The following RUSC2 variants were observed in gnomAD, a reference collection of about 807,000 sequenced individuals.
RUSC2 encodes the protein AP-4 complex accessory subunit RUSC2.
RUSC2 carries 34 observed loss-of-function variants against 122.2 expected under a neutral mutation model. That is an observed-to-expected ratio of 0.28 (90% CI 0.21 to 0.37). The LOEUF (loss-of-function observed/expected upper bound fraction) is 0.37, where lower values mean the gene tolerates loss of function less well. Ranked by LOEUF, RUSC2 falls within the 10% of genes least tolerant of loss-of-function variation. RUSC2 has a pLI of 1.00. For synonymous variants in RUSC2, 784 were observed against 790.0 expected, an observed-to-expected ratio of 0.99 and a Z score of 0.13; for missense variants, 1,747 against 1,952.4, an observed-to-expected ratio of 0.89 and a Z score of 1.98.
chr9:35,510,357 T>A (rs985448620), intron 1 of RUSC2, among the ~76,000 whole-genome samples: 2 of 152,168 alleles, frequency 1.3e-5, no homozygotes, highest in Non-Finnish European at 2.9e-5. Flanking sequence ...ACAATAAAAA[T>A]TTTTAAAGAG....
At chr9:35,526,752 C>T (rs571568446) in intron 1 of RUSC2, among the ~76,000 whole-genome samples, 10 of 152,028 alleles carry the variant, frequency 6.6e-5, no homozygotes, top group Admixed American at 1.3e-4. Flanking sequence ...GCAGCCTGGG[C>T]AAAAGAGAGA....
chr9:35,560,375 G>A lies in RUSC2; in HGVS notation c.3735G>A (p.Glu1245=), dbSNP rs1822123703. ...SEGGEEEEEE[E]ETEEVAEAAG... is the part of the protein sequence containing the mutation. ...GTGGAGAAGAGGAAGAGGAAGAAGA[G>A]GAGACAGAAGAGGTGGCAGAGGCAG... The change falls in exon 10 of 12, where the codon GAG becomes GAA. Residue 1245 remains glutamate, a synonymous_variant. Coordinates refer to ENST00000361226, the MANE Select transcript of RUSC2 (RefSeq NM_014806.5). 1 of 1,613,746 alleles carries A rather than the reference G, an allele frequency of 6.2e-7. No individual in the cohort carries two copies. Among genetic ancestry groups the A allele is most frequent in the Non-Finnish European group, 8.5e-7 (1 of 1,179,812 alleles).
At chr9:35,520,889 C>G (rs563973588) in intron 1 of RUSC2, among the ~76,000 whole-genome samples, 1 of 152,322 alleles carries the variant, frequency 6.6e-6, no homozygotes, top group South Asian at 2.1e-4. Context: ...GTGGGCCTTA[C>G]TCACTGCTGC....
chr9:35,561,079 T>G lies in RUSC2; in HGVS notation c.4331T>G (p.Leu1444Arg). The change falls in exon 11 of 12, where the codon CTG becomes CGG. Residue 1444 changes from leucine to arginine, a missense_variant. Coordinates refer to ENST00000361226, the MANE Select transcript of RUSC2 (RefSeq NM_014806.5). The part of the protein sequence containing the change: ...ESLQEPHSPA[L>R]PSSPPCEVQA... ...CTGCAGGAGCCACACTCCCCAGCCCTGCCCTCCAGTCCTCCGTGGTAAGCC... is the reference window on the plus strand; with the variant it reads ...CTGCAGGAGCCACACTCCCCAGCCCGGCCCTCCAGTCCTCCGTGGTAAGCC... The G allele has an allele frequency of 6.2e-7, 1 of 1,614,062 alleles. No homozygotes were observed.
At position 35,490,116 on chromosome 9, in the gene RUSC2, A is replaced by ACGCCGC. The variant is rs139160591; in HGVS notation, c.-131_-126dup. ...CAACGCGACCCCTGGAGGGCGAGACACGCCGCCGCCGCCGCCGCCGCCGGC... is the reference window on the plus strand; with the variant it reads ...CAACGCGACCCCTGGAGGGCGAGACACGCCGCCGCCGCCGCCGCCGCCGCCGCCGGC... On this transcript the variant is annotated 5_prime_UTR_variant, in exon 1 of 12. Coordinates refer to ENST00000361226, the MANE Select transcript of RUSC2 (RefSeq NM_014806.5). 1,340 of 154,496 alleles carry ACGCCGC rather than the reference A, an allele frequency of 8.7e-3. 26 individuals carry two copies. Among genetic ancestry groups the ACGCCGC allele is most frequent in the Non-Finnish European group, 0.011 (756 of 70,994 alleles). 9.6% of individuals were successfully genotyped at this position (154,496 alleles called of 1,614,324 possible). A position where few individuals can be genotyped will look rare whatever the true frequency, so the allele number is the denominator to read the frequency against.
intron 1 of RUSC2, among the ~76,000 whole-genome samples, chr9:35,510,188 G>A (rs999799672): frequency 1.3e-5 from 2 of 152,242 alleles, no homozygotes; most frequent in African/African-American, 2.4e-5. Context: ...GATAGATTCC[G>A]GTGACTTTTC....
chr9:35,520,494 C>T (rs757063853), intron 1 of RUSC2, among the ~76,000 whole-genome samples: 2 of 152,126 alleles, frequency 1.3e-5, no homozygotes, highest in Non-Finnish European at 1.5e-5. Flanking sequence ...CTTTACTGTG[C>T]GTATGTGGCC....
At position 35,560,185 on chromosome 9, in the gene RUSC2, G is replaced by A. The variant is rs1211691981; in HGVS notation, c.3545G>A (p.Gly1182Glu). The A allele has an allele frequency of 8.1e-6, 13 of 1,606,134 alleles. No homozygotes were observed. Among genetic ancestry groups the A allele is most frequent in the Non-Finnish European group, 1.0e-5 (12 of 1,179,758 alleles). ...TTCCAGCACCGGCTGCTGCAAAGTG[G>A]GCAGCAGCAGCGGCAGCACAAGGAA... Reference protein sequence around the residue: ...LLFQHRLLQSGQQQRQHKELL... With the variant: ...LLFQHRLLQSEQQQRQHKELL... Residue 1182 changes from glycine to glutamate, a missense_variant, in exon 10 of 12, where the codon GGG becomes GAG. Coordinates refer to ENST00000361226, the MANE Select transcript of RUSC2 (RefSeq NM_014806.5).
intron 1 of RUSC2, among the ~76,000 whole-genome samples, chr9:35,542,115 T>G (rs183516165): frequency 6.6e-6 from 1 of 152,328 alleles, no homozygotes; most frequent in African/African-American, 2.4e-5. Context: ...CCTGGAGAAC[T>G]TCCCCTTAGA....
chr9:35,521,512 C>G (rs1226995565), intron 1 of RUSC2, among the ~76,000 whole-genome samples: 1 of 152,198 alleles, frequency 6.6e-6, no homozygotes, highest in East Asian at 1.9e-4. Context: ...ATGCTGCAGT[C>G]TCCATTTACT....
In RUSC2 at chr9:35,555,842, A is replaced by T; in HGVS notation, c.2657-110A>T. On this transcript the variant is annotated intron_variant, in intron 3 of 11. Transcript: ENST00000361226. This position sits in a 1 kb window ranked among gnomAD's most constrained non-coding sequence, Gnocchi z 4.6. ...ATCCCTCCCTCAGCATCTGTAGATA[A>T]TATCCACAGATAATCTAGTGTTTCA... is the stretch of plus-strand genomic sequence containing the variant. The T allele has an allele frequency of 3.5e-6, 5 of 1,437,856 alleles. No individual in the cohort carries two copies. Among genetic ancestry groups the T allele is most frequent in the Non-Finnish European group, 4.7e-6 (5 of 1,056,338 alleles). The allele number at this position is 1,437,856 out of a possible 1,614,324, so 89.1% of individuals were successfully genotyped here.
Position 35,548,639 on chromosome 9 carries a change from G to C in RUSC2, c.2014+104G>C. 1 of 1,442,396 alleles carries C rather than the reference G, an allele frequency of 6.9e-7. No individual in the cohort carries two copies. The highest frequency in any genetic ancestry group is 9.1e-7 in the Non-Finnish European group (1 of 1,102,116). The allele number at this position is 1,442,396 out of a possible 1,614,324, so 89.3% of individuals were successfully genotyped here. On this transcript the variant is annotated intron_variant, in intron 2 of 11. Transcript: ENST00000361226. The surrounding 1 kb of genome is among the most constrained non-coding windows in gnomAD (Gnocchi z 4.5). ...CCAGACCACCCCATCCATACCACTA[G>C]AGGTTCCACATCCTAGATCTGTTAT...
In RUSC2 at chr9:35,555,488, C is replaced by T. The variant is rs1056288108; in HGVS notation, c.2443C>T (p.Pro815Ser). 1 of 1,614,184 alleles carries T rather than the reference C, an allele frequency of 6.2e-7. No individual in the cohort carries two copies. The highest frequency in any genetic ancestry group is 1.7e-5 in the Admixed American group (1 of 60,020). Residue 815 changes from proline to serine, a missense_variant, in exon 3 of 12, where the codon CCC becomes TCC. Pro to Ser is a moderately conservative substitution (Grantham distance 74). Transcript: ENST00000361226. This position sits in a 1 kb window ranked among gnomAD's most constrained non-coding sequence, Gnocchi z 4.6. ...GCAGCCCACAGCCACAGAAAGCCTG[C>T]CCCCATGGAGCCACTCCTGTCCTTC... Reference protein sequence around the residue: ...PEQPTATESLPPWSHSCPSAV... With the variant: ...PEQPTATESLSPWSHSCPSAV...
chr9:35,524,657 T>C (rs1177008679), intron 1 of RUSC2, among the ~76,000 whole-genome samples: 1 of 152,126 alleles, frequency 6.6e-6, no homozygotes, highest in African/African-American at 2.4e-5. Context: ...TTGTTTTCTG[T>C]TGGAGGCTGC....
intron 1 of RUSC2, among the ~76,000 whole-genome samples, chr9:35,494,231 C>T (rs1042611352): frequency 4.0e-5 from 6 of 151,768 alleles, no homozygotes; most frequent in African/African-American, 7.3e-5. Context: ...TTTGGGAGGC[C>T]GAGGCGGGCG....
chr9:35,561,311 G>C lies in RUSC2; in HGVS notation c.4480G>C (p.Gly1494Arg), dbSNP rs201389492. 20 of 1,614,040 alleles carry C rather than the reference G, an allele frequency of 1.2e-5. No individual in the cohort carries two copies. The highest frequency in any genetic ancestry group is 1.4e-5 in the Non-Finnish European group (17 of 1,180,020). ...WLRCSRGPDS[G>R]LVPLAYVTLT... ...GCGCTGCAGCCGTGGCCCCGACTCT[G>C]GCCTGGTGCCCCTGGCCTACGTGAC... Residue 1494 changes from glycine to arginine, a missense_variant, in exon 12 of 12, where the codon GGC becomes CGC. Transcript: ENST00000361226.
intron 1 of RUSC2, among the ~76,000 whole-genome samples, chr9:35,506,992 C>A (rs2132501027): frequency 1.3e-5 from 2 of 152,148 alleles, no homozygotes; most frequent in South Asian, 4.1e-4. Context: ...GTGGTGCACA[C>A]CTGTAGTCCC....
intron 2 of RUSC2, chr9:35,549,010 C>G (rs536528684): frequency 9.6e-5 from 89 of 926,420 alleles, no homozygotes; most frequent in Middle Eastern, 5.5e-4. Context: ...CCAGCCTGGG[C>G]AGACAGAGTG....
At position 35,560,950 on chromosome 9, in the gene RUSC2, C is replaced by A; in HGVS notation, c.4212-10C>A. 6.2e-7 allele frequency: 1 copy of A among 1,612,458 alleles called. No individual in the cohort carries two copies. The highest frequency in any genetic ancestry group is 1.1e-5 in the South Asian group (1 of 90,840). Reference sequence around the variant, plus strand: ...CCTGGGCAGAGCCTGAGTCCAGCTGCTGTCCCTAGGCTCCCCTCGGACTGG... The same window carrying A: ...CCTGGGCAGAGCCTGAGTCCAGCTGATGTCCCTAGGCTCCCCTCGGACTGG... On this transcript the variant is annotated splice_polypyrimidine_tract_variant and intron_variant, in intron 10 of 11. Coordinates refer to ENST00000361226, the MANE Select transcript of RUSC2 (RefSeq NM_014806.5).
Sources: allele counts gnomAD v4.1 joint callset (sites outside exome capture counted in the v4.1 genomes callset), GRCh38; gene constraint gnomAD v4.1.1; non-coding constraint Gnocchi (gnomAD v3.1); transcripts MANE v1.5; gene names NCBI Gene and HGNC (gene_info 2026-07-23, HGNC 2026-07-21).